The following MAPK4 variants were observed in gnomAD, a reference collection of about 807,000 sequenced individuals.
The protein encoded by MAPK4 is mitogen-activated protein kinase 4.
MAPK4 carries 22 observed loss-of-function variants against 47.7 expected under a neutral mutation model. The ratio of observed to expected loss-of-function variants is 0.46; its 90% CI spans 0.33 to 0.66. The LOEUF (loss-of-function observed/expected upper bound fraction) is 0.66. MAPK4 is among the 30% of genes least tolerant of loss of function. The pLI, the probability that MAPK4 is intolerant of heterozygous loss-of-function variation, is 0.02. For missense variants in MAPK4, 736 were observed against 831.7 expected (o/e 0.88, Z 1.42); for synonymous variants, 390 against 365.7 (o/e 1.07, Z -0.76).
intron 2 of MAPK4, among the ~76,000 whole-genome samples, chr18:50,692,399 G>A (rs1368963975): frequency 6.6e-6 from 1 of 152,138 alleles, no homozygotes; most frequent in Non-Finnish European, 1.5e-5. Context: ...GATCAAGCAG[G>A]GCCTCAGATT....
intron 1 of MAPK4, among the ~76,000 whole-genome samples, chr18:50,574,572 A>G (rs149269010): frequency 2.4e-3 from 358 of 152,302 alleles, no homozygotes; most frequent in African/African-American, 8.4e-3. Context: ...TGCAACAGTT[A>G]TTACAGAGAT....
chr18:50,632,584 A>G (rs2042840925), intron 1 of MAPK4, among the ~76,000 whole-genome samples: 1 of 147,468 alleles, frequency 6.8e-6, no homozygotes, highest in Admixed American at 6.8e-5. Context: ...GACTTTAATC[A>G]TTCCTTAAGG....
chr18:50,588,830 A>G (rs915606127), intron 1 of MAPK4, among the ~76,000 whole-genome samples: 1 of 152,224 alleles, frequency 6.6e-6, no homozygotes, highest in Non-Finnish European at 1.5e-5. Flanking sequence ...TGCTGGGATT[A>G]TAGGTGTGAG....
rs978461250 is a variant in MAPK4 at position 50,715,165 on chromosome 18, C to T, written c.633C>T (p.Asp211=). ...LSPNNYTKAI[D]MWAAGCILAE... ...CCAATAACTACACCAAAGCCATCGA[C>T]ATGTGGGCCGCCGGCTGCATCCTGG... The change falls in exon 3 of 6, where the codon GAC becomes GAT. Residue 211 remains aspartate, a synonymous_variant. Transcript: ENST00000400384. 1.9e-6 allele frequency: 3 copies of T among 1,614,096 alleles called. No individual in the cohort carries two copies. In the African/African-American group the frequency reaches 4.0e-5, roughly 22 times the overall value.
At chr18:50,703,163 T>C (rs1909877877) in intron 2 of MAPK4, among the ~76,000 whole-genome samples, 1 of 152,192 alleles carries the variant, frequency 6.6e-6, no homozygotes, top group Non-Finnish European at 1.5e-5. Context: ...AAGACCTTTC[T>C]GCTGCCCTCC....
rs539028390 is a variant in MAPK4, at chr18:50,715,229, T to C, written c.691+6T>C. 1 of 1,612,320 alleles carries C rather than the reference T, an allele frequency of 6.2e-7. No individual in the cohort carries two copies. The highest frequency in any genetic ancestry group is 2.2e-5 in the East Asian group (1 of 44,848). On this transcript the variant is annotated splice_donor_region_variant and intron_variant, in intron 3 of 5. Transcript: ENST00000400384. ...GGGGAGAATGCTCTTTGCTGGTGAG[T>C]TGCTAACTATGCCACCTTCCTTCTC...
chr18:50,693,156 G>A (rs1369180278), intron 2 of MAPK4, among the ~76,000 whole-genome samples: 1 of 152,074 alleles, frequency 6.6e-6, no homozygotes, highest in Non-Finnish European at 1.5e-5. Flanking sequence ...CTACTCAGGA[G>A]GCTGAGGCAA....
At chr18:50,702,025 G>A (rs1376190407) in intron 2 of MAPK4, among the ~76,000 whole-genome samples, 1 of 151,958 alleles carries the variant, frequency 6.6e-6, no homozygotes, top group East Asian at 1.9e-4. Context: ...AGCTGGGCAT[G>A]GTGGTACACA....
At chr18:50,628,734 C>T (rs146387220) in intron 1 of MAPK4, among the ~76,000 whole-genome samples, 28 of 151,372 alleles carry the variant, frequency 1.8e-4, no homozygotes, top group African/African-American at 6.8e-4. Flanking sequence ...CTCTCCCACC[C>T]ACATTCCTCC....
In MAPK4 at chr18:50,680,131, G is replaced by A. The variant is rs143582108; in HGVS notation, c.546+15627G>A. ...TTTGAGACAGAGTTTCGCTCTTGTC[G>A]TCCAGGCTGGAGTATGGTGGCGCAA... On this transcript the variant is annotated intron_variant, in intron 2 of 5. Coordinates refer to ENST00000400384, the MANE Select transcript of MAPK4 (RefSeq NM_002747.4). Among the ~76,000 whole-genome samples the A allele has an allele frequency of 4.8e-3, 528 of 110,180 alleles. 5 individuals are homozygous for A. Among genetic ancestry groups the A allele is most frequent in the African/African-American group, 0.017 (494 of 28,304 alleles). 72.3% of individuals were successfully genotyped at this position (110,180 alleles called of 152,430 possible).
At chr18:50,729,012 C>A in intron 5 of MAPK4, 146 bp from the exon 6 acceptor site, 1 of 692,352 alleles carries the variant, frequency 1.4e-6, no homozygotes, top group South Asian at 2.0e-5. Flanking sequence ...CAAGGCTCGC[C>A]ATTACCTGTC....
At chr18:50,710,303 C>G (rs1910280098) in intron 2 of MAPK4, among the ~76,000 whole-genome samples, 1 of 151,726 alleles carries the variant, frequency 6.6e-6, no homozygotes, top group Admixed American at 6.6e-5. Flanking sequence ...GGCAACGTGG[C>G]AAAACTCTGT....
At chr18:50,643,852 C>T (rs1425106921) in intron 1 of MAPK4, among the ~76,000 whole-genome samples, 9 of 152,218 alleles carry the variant, frequency 5.9e-5, no homozygotes, top group Admixed American at 5.9e-4. Flanking sequence ...CTACCCTCAC[C>T]TCACTGTGCA....
chr18:50,588,380 T>C (rs1598800864), intron 1 of MAPK4, among the ~76,000 whole-genome samples: 1 of 152,134 alleles, frequency 6.6e-6, no homozygotes, highest in African/African-American at 2.4e-5. Context: ...CTCTGGGTAG[T>C]TGGACATCTT....
intron 4 of MAPK4, among the ~76,000 whole-genome samples, chr18:50,725,100 C>G (rs1911123416): frequency 6.6e-6 from 1 of 152,222 alleles, no homozygotes; most frequent in Non-Finnish European, 1.5e-5. Context: ...CAAACAGCCT[C>G]TCGCACAAGG....
intron 1 of MAPK4, among the ~76,000 whole-genome samples, chr18:50,588,016 C>G (rs893805240): frequency 2.0e-5 from 3 of 152,104 alleles, no homozygotes; most frequent in Admixed American, 6.6e-5. Context: ...CAGGCATGAG[C>G]TACCATGCCT....
intron 1 of MAPK4, among the ~76,000 whole-genome samples, chr18:50,598,919 A>G (rs1182473384): frequency 6.6e-6 from 1 of 152,152 alleles, no homozygotes; most frequent in Non-Finnish European, 1.5e-5. Context: ...CCCTCTTGTC[A>G]TGTCATATCA....
chr18:50,641,667 TA>T (rs1354573008), intron 1 of MAPK4, among the ~76,000 whole-genome samples: 1 of 152,146 alleles, frequency 6.6e-6, no homozygotes, highest in African/African-American at 2.4e-5. Context: ...ATGAACTGTT[TA>T]AAAAAAGTTA....
intron 1 of MAPK4, among the ~76,000 whole-genome samples, chr18:50,577,022 C>T (rs938644023): frequency 6.6e-6 from 1 of 152,188 alleles, no homozygotes; most frequent in African/African-American, 2.4e-5. Context: ...GAGCCTGCGC[C>T]ATGCTTTCCA....
Sources: gnomAD v4.1 joint callset for allele counts (sites outside exome capture counted in the v4.1 genomes callset) on GRCh38, gnomAD v4.1.1 for gene constraint, MANE v1.5 for transcripts, NCBI Gene and HGNC (gene_info 2026-07-23, HGNC 2026-07-21) for gene names.